PMP2: variants seen among roughly 807,000 people sequenced by gnomAD.
PMP2 encodes myelin P2 protein.
PMP2 carries 11 observed loss-of-function variants against 15.9 expected under a neutral mutation model. The observed-to-expected ratio is 0.69, with a 90% CI of 0.44 to 1.14. The LOEUF is 1.14. PMP2 is among the 50% of genes most tolerant of loss of function. The probability of loss-of-function intolerance (pLI) is 0.00; values close to 1 mark genes in which losing one functional copy is unlikely to be tolerated. For missense variants in PMP2, 151 were observed against 154.0 expected (o/e 0.98, Z 0.10); for synonymous variants, 55 against 54.1 (o/e 1.02, Z -0.07).
In PMP2 at chr8:81,443,210, T is replaced by G. The variant is rs1292502005; in HGVS notation, c.*188A>C. Reference sequence around the variant, plus strand: ...TATATGCTTTGATGTAATAATGACATGCATGCACATTGAAAATGTTTAAAT... The same window carrying G: ...TATATGCTTTGATGTAATAATGACAGGCATGCACATTGAAAATGTTTAAAT... On this transcript the variant is annotated 3_prime_UTR_variant, in exon 4 of 4. Transcript: ENST00000256103. The G allele has an allele frequency of 6.2e-6, 3 of 481,450 alleles. No individual in the cohort carries two copies. The highest frequency in any genetic ancestry group is 1.1e-5 in the Non-Finnish European group (3 of 274,892). The allele number at this position is 481,450 out of a possible 1,614,324, so 29.8% of individuals were successfully genotyped here.
chr8:81,445,281 A>G (rs1585797441), intron 1 of PMP2, among the ~76,000 whole-genome samples: 1 of 151,344 alleles, frequency 6.6e-6, no homozygotes, highest in African/African-American at 2.4e-5. Context: ...TTGGAGTGCA[A>G]TGGAGCAATC....
intron 3 of PMP2, among the ~76,000 whole-genome samples, 160 bp from the exon 4 acceptor site, chr8:81,443,608 A>T (rs113014136): frequency 6.6e-6 from 1 of 152,206 alleles, no homozygotes; most frequent in African/African-American, 2.4e-5. Context: ...ATGACCATTG[A>T]AATAGAAGAA....
intron 3 of PMP2, among the ~76,000 whole-genome samples, chr8:81,444,280 T>C (rs367821667): frequency 3.3e-5 from 5 of 152,314 alleles, no homozygotes; most frequent in Non-Finnish European, 1.5e-5. Flanking sequence ...GTATTTTTAT[T>C]TGTAAAATAA....
chr8:81,443,883 C>A (rs1807398562), intron 3 of PMP2, among the ~76,000 whole-genome samples: 1 of 151,696 alleles, frequency 6.6e-6, no homozygotes, highest in Admixed American at 6.6e-5. Context: ...AACCACTGTA[C>A]TAAAGAAAGA....
Position 81,443,141 on chromosome 8 carries a change from T to C in PMP2, c.*257A>G, listed in dbSNP as rs1807381664. On this transcript the variant is annotated 3_prime_UTR_variant, in exon 4 of 4. Transcript: ENST00000256103. ...AAGTTCAACATAGATTAGAATTTTG[T>C]AGTTAATTGAATGACATCATCAACT... 1 of 337,318 alleles carries C rather than the reference T, an allele frequency of 3.0e-6. No individual in the cohort carries two copies. The highest frequency in any genetic ancestry group is 4.8e-5 in the Admixed American group (1 of 20,684). 20.9% of individuals were successfully genotyped at this position (337,318 alleles called of 1,614,324 possible). A position where few individuals can be genotyped will look rare whatever the true frequency, so the allele number is the denominator to read the frequency against.
At position 81,443,283 on chromosome 8, in the gene PMP2, A is replaced by G. The variant is rs6990882; in HGVS notation, c.*115T>C. 146,495 of 673,562 alleles carry G rather than the reference A, an allele frequency of 0.22. 23,679 individuals are homozygous for G. The highest frequency in any genetic ancestry group is 0.75 in the East Asian group (28,451 of 37,982). 41.7% of individuals were successfully genotyped at this position (673,562 alleles called of 1,614,324 possible). On this transcript the variant is annotated 3_prime_UTR_variant, in exon 4 of 4. Transcript: ENST00000256103. Reference sequence around the variant, plus strand: ...CTCAGTTTAGGCCTTTGCATATCTGATATATTAAGACAAAAGCAAAAACAA... The same window carrying G: ...CTCAGTTTAGGCCTTTGCATATCTGGTATATTAAGACAAAAGCAAAAACAA...
At position 81,440,623 on chromosome 8, in the gene PMP2, A is replaced by T. The variant is rs1004980554; in HGVS notation, c.*2775T>A. On this transcript the variant is annotated 3_prime_UTR_variant, in exon 4 of 4. Transcript: ENST00000256103. ...CAAGAATCAGACTGTCTCAAAGAAA[A>T]CACATATACCTTTTGCTCAGATTAT... The T allele has an allele frequency of 6.6e-6, 1 of 152,202 alleles. No homozygotes were observed. The highest frequency in any genetic ancestry group is 2.4e-5 in the African/African-American group (1 of 41,440). 9.4% of individuals were successfully genotyped at this position (152,202 alleles called of 1,614,324 possible).
rs202025915 is a variant in PMP2, at chr8:81,443,444, C to G, written c.353G>C (p.Cys118Ser). The G allele has an allele frequency of 1.3e-6, 2 of 1,596,186 alleles. No individual in the cohort carries two copies. The highest frequency in any genetic ancestry group is 2.3e-5 in the South Asian group (2 of 87,860). ...GGTGCACACCACGCCCTTCATTTTACATTCCTTAAAAAAGAGAGAGGTTAA... is the reference window on the plus strand; with the variant it reads ...GGTGCACACCACGCCCTTCATTTTAGATTCCTTAAAAAAGAGAGAGGTTAA... ...KLVNGKMVAECKMKGVVCTRI... is the reference protein window; with the variant it reads ...KLVNGKMVAESKMKGVVCTRI... Residue 118 changes from cysteine to serine, a missense_variant, in exon 4 of 4, where the codon TGT becomes TCT. Coordinates refer to ENST00000256103, the MANE Select transcript of PMP2 (RefSeq NM_002677.5).
intron 1 of PMP2, 124 bp downstream of exon 1, chr8:81,447,190 A>T: frequency 1.5e-6 from 1 of 653,756 alleles, no homozygotes. Context: ...GATTAATCCT[A>T]AAAGAGGATT....
At position 81,443,451 on chromosome 8, in the gene PMP2, T is replaced by TA; in HGVS notation, c.349-4dup. 6.3e-7 allele frequency: 1 copy of TA among 1,590,494 alleles called. No homozygotes were observed. The highest frequency in any genetic ancestry group is 1.3e-5 in the African/African-American group (1 of 74,120). ...ACCACGCCCTTCATTTTACATTCCT[T>TA]AAAAAAGAGAGAGGTTAATTGAGTA... On this transcript the variant is annotated splice_polypyrimidine_tract_variant and splice_region_variant and intron_variant, in intron 3 of 3. Transcript: ENST00000256103.
chr8:81,444,002 AC>A (rs2129704624), intron 3 of PMP2, among the ~76,000 whole-genome samples: 1 of 152,300 alleles, frequency 6.6e-6, no homozygotes, highest in Admixed American at 6.5e-5. Flanking sequence ...ATCACATACA[AC>A]CTTTGTCATT....
At position 81,444,480 on chromosome 8, in the gene PMP2, A is replaced by G; in HGVS notation, c.348+20T>C. 1 of 1,414,360 alleles carries G rather than the reference A, an allele frequency of 7.1e-7. No homozygotes were observed. The allele number at this position is 1,414,360 out of a possible 1,614,324, so 87.6% of individuals were successfully genotyped here. A position where few individuals can be genotyped will look rare whatever the true frequency, so the allele number is the denominator to read the frequency against. On this transcript the variant is annotated intron_variant, in intron 3 of 3. Transcript: ENST00000256103. ...TTTATATAGCATTATTTCTCTATTT[A>G]GAAGTAAAGATACTCTTACCGCTAC...
chr8:81,441,672 A>G lies in PMP2; in HGVS notation c.*1726T>C, dbSNP rs530406386. 6.6e-6 allele frequency: 1 copy of G among 151,612 alleles called. No homozygotes were observed. The highest frequency in any genetic ancestry group is 2.1e-4 in the South Asian group (1 of 4,798). 9.4% of individuals were successfully genotyped at this position (151,612 alleles called of 1,614,324 possible). A position where few individuals can be genotyped will look rare whatever the true frequency, so the allele number is the denominator to read the frequency against. ...TTTTTCCCAATGGAATTGGGAATTT[A>G]TTTTATTTTTTTCTCAATTATCTTG... On this transcript the variant is annotated 3_prime_UTR_variant, in exon 4 of 4. Coordinates refer to ENST00000256103, the MANE Select transcript of PMP2 (RefSeq NM_002677.5).
intron 2 of PMP2, 41 bp from the exon 3 acceptor site, chr8:81,444,642 G>T (rs779059796): frequency 6.5e-7 from 1 of 1,543,730 alleles, no homozygotes; most frequent in Admixed American, 1.7e-5. Context: ...CCTGAAATTT[G>T]TTGATCAAAG....
chr8:81,443,334 C>T lies in PMP2; in HGVS notation c.*64G>A. ...ATATTTGCAGTGTATTCAGTTTTGT[C>T]AATGGAAGCAATTGATTTCCATCAT... On this transcript the variant is annotated 3_prime_UTR_variant, in exon 4 of 4. Transcript: ENST00000256103. 2 of 1,117,154 alleles carry T rather than the reference C, an allele frequency of 1.8e-6. No homozygotes were observed. The highest frequency in any genetic ancestry group is 2.7e-6 in the Non-Finnish European group (2 of 749,710). The allele number at this position is 1,117,154 out of a possible 1,614,324, so 69.2% of individuals were successfully genotyped here.
rs1807376856 is a variant in PMP2 at position 81,442,917 on chromosome 8, A to G, written c.*481T>C. On this transcript the variant is annotated 3_prime_UTR_variant, in exon 4 of 4. Coordinates refer to ENST00000256103, the MANE Select transcript of PMP2 (RefSeq NM_002677.5). ...CCATTAATTTTAAAATGTTGGCTGG[A>G]GTAGAGGCTACCCCTTTTAACTGAG... is the stretch of plus-strand genomic sequence containing the variant. 6.6e-6 allele frequency: 1 copy of G among 152,194 alleles called. No individual in the cohort carries two copies. Among genetic ancestry groups the G allele is most frequent in the Admixed American group, 6.5e-5 (1 of 15,274 alleles). The allele number at this position is 152,194 out of a possible 1,614,324, so 9.4% of individuals were successfully genotyped here.
rs1275187030 is a variant in PMP2 at position 81,441,145 on chromosome 8, T to C, written c.*2253A>G. Reference sequence around the variant, plus strand: ...AACCCCCTGTCGTTTCTGGTTGTTGTTGTTACAGTGATGTTGTTTCCTTCT... The same window carrying C: ...AACCCCCTGTCGTTTCTGGTTGTTGCTGTTACAGTGATGTTGTTTCCTTCT... On this transcript the variant is annotated 3_prime_UTR_variant, in exon 4 of 4. Transcript: ENST00000256103. 1 of 152,196 alleles carries C rather than the reference T, an allele frequency of 6.6e-6. No homozygotes were observed. The highest frequency in any genetic ancestry group is 1.5e-5 in the Non-Finnish European group (1 of 68,020). 9.4% of individuals were successfully genotyped at this position (152,196 alleles called of 1,614,324 possible).
In PMP2 at chr8:81,444,582, C is replaced by T. The variant is rs1252536373; in HGVS notation, c.266G>A (p.Arg89Lys). 3 of 1,613,794 alleles carry T rather than the reference C, an allele frequency of 1.9e-6. No individual in the cohort carries two copies. Among genetic ancestry groups the T allele is most frequent in the African/African-American group, 2.7e-5 (2 of 74,940 alleles). Residue 89 changes from arginine (R) to lysine (K), a missense_variant, in exon 3 of 4, where the codon AGA (arginine) becomes AAA (lysine). Arg to Lys is a conservative substitution (Grantham distance 26). Coordinates refer to ENST00000256103, the MANE Select transcript of PMP2 (RefSeq NM_002677.5). ...RKTKSIVTLQ[R>K]GSLNQVQRWD... ...TCTCTGCACTTGATTCAGTGATCCTCTCTGCAGGGTTACGATGCTCTGCAA... is the reference window on the plus strand; with the variant it reads ...TCTCTGCACTTGATTCAGTGATCCTTTCTGCAGGGTTACGATGCTCTGCAA...
Position 81,441,899 on chromosome 8 carries a change from G to C in PMP2, c.*1499C>G, listed in dbSNP as rs1807355635. The stretch of plus-strand genomic sequence containing the variant: ...ATCATCCATTTTTCCAAGTAGCCTT[G>C]GTTCCTTTTAGTGGCAAACTATATT... On this transcript the variant is annotated 3_prime_UTR_variant, in exon 4 of 4. Coordinates refer to ENST00000256103, the MANE Select transcript of PMP2 (RefSeq NM_002677.5). The C allele has an allele frequency of 6.6e-6, 1 of 151,650 alleles. No homozygotes were observed. The highest frequency in any genetic ancestry group is 1.5e-5 in the Non-Finnish European group (1 of 67,866). 9.4% of individuals were successfully genotyped at this position (151,650 alleles called of 1,614,324 possible). A position where few individuals can be genotyped will look rare whatever the true frequency, so the allele number is the denominator to read the frequency against.
Sources: gnomAD v4.1 joint callset for allele counts (sites outside exome capture counted in the v4.1 genomes callset) on GRCh38, gnomAD v4.1.1 for gene constraint, MANE v1.5 for transcripts, NCBI Gene and HGNC (gene_info 2026-07-23, HGNC 2026-07-21) for gene names.